Variants in DNAJC10 observed in about 807,000 individuals in gnomAD.
DNAJC10 encodes the protein endoplasmic reticulum disulfide reductase DNAJC10.
DNAJC10 carries 101 observed loss-of-function variants against 115.0 expected under a neutral mutation model. The ratio of observed to expected loss-of-function variants is 0.88; its 90% CI spans 0.75 to 1.04. DNAJC10 has a LOEUF of 1.04. Among genes scored for constraint, DNAJC10 ranks in the 50% least tolerant of loss-of-function variants. DNAJC10 has a pLI of 0.00. For missense variants in DNAJC10, 981 were observed against 928.8 expected, an observed-to-expected ratio of 1.06 and a Z score of -0.73; for synonymous variants, 307 against 301.5, an observed-to-expected ratio of 1.02 and a Z score of -0.19.
chr2:182,731,392 A>G (rs1395012009), intron 9 of DNAJC10, among the ~76,000 whole-genome samples: 1 of 152,098 alleles, frequency 6.6e-6, no homozygotes, highest in Non-Finnish European at 1.5e-5. Context: ...ATGTTATTTG[A>G]CAATTTGCAA....
chr2:182,757,061 C>T (rs1030972332), intron 18 of DNAJC10, among the ~76,000 whole-genome samples: 1 of 151,986 alleles, frequency 6.6e-6, no homozygotes, highest in African/African-American at 2.4e-5. Context: ...CATTTCCTGA[C>T]ATACTGTAGG....
rs1388948572 is a variant in DNAJC10 at position 182,794,387 on chromosome 2, TCTA to T, written c.*17258_*17260del. ...TAAGAAATGTCATTCTAGATTTGAT[TCTA>T]CTGTTTGTCTTTGCAGTGAGCTATG... On this transcript the variant is annotated 3_prime_UTR_variant, in exon 24 of 24. Coordinates refer to ENST00000264065, the MANE Select transcript of DNAJC10 (RefSeq NM_018981.4). 1 of 152,214 alleles carries T rather than the reference TCTA, an allele frequency of 6.6e-6. No homozygotes were observed. Among genetic ancestry groups the T allele is most frequent in the Non-Finnish European group, 1.5e-5 (1 of 68,042 alleles). The allele number at this position is 152,214 out of a possible 1,614,324, so 9.4% of individuals were successfully genotyped here. A position where few individuals can be genotyped will look rare whatever the true frequency, so the allele number is the denominator to read the frequency against.
intron 19 of DNAJC10, 30 bp from the exon 20 acceptor site, chr2:182,758,807 A>G (rs369550563): frequency 7.3e-6 from 11 of 1,516,240 alleles, no homozygotes; most frequent in Admixed American, 1.7e-5. Context: ...AGAGAATCCT[A>G]TTTACAACTA....
rs1389600286 is a variant in DNAJC10 at position 182,777,874 on chromosome 2, A to T, written c.*742A>T. On this transcript the variant is annotated 3_prime_UTR_variant, in exon 24 of 24. Coordinates refer to ENST00000264065, the MANE Select transcript of DNAJC10 (RefSeq NM_018981.4). Reference sequence around the variant, plus strand: ...CAGTAAGTACACAAATTTGAGCAACAGTAAGTGCACAAATTCTGTAGTTTG... The same window carrying T: ...CAGTAAGTACACAAATTTGAGCAACTGTAAGTGCACAAATTCTGTAGTTTG... 6.6e-6 allele frequency: 1 copy of T among 152,196 alleles called. No homozygotes were observed. The highest frequency in any genetic ancestry group is 1.5e-5 in the Non-Finnish European group (1 of 68,026). 9.4% of individuals were successfully genotyped at this position (152,196 alleles called of 1,614,324 possible). A position where few individuals can be genotyped will look rare whatever the true frequency, so the allele number is the denominator to read the frequency against.
Position 182,775,334 on chromosome 2 carries a change from C to G in DNAJC10, c.2284C>G (p.Gln762Glu). The change falls in exon 23 of 24, where the codon CAG becomes GAG. Residue 762 changes from glutamine to glutamate, a missense_variant. By Grantham distance (29) the Gln-to-Glu change is conservative. Transcript: ENST00000264065. Reference protein sequence around the residue: ...ERAKRNFQEEQINTRDAKAIA... With the variant: ...ERAKRNFQEEEINTRDAKAIA... ...ATTTTAGAGAAATTTTCAAGAAGAG[C>G]AGATAAATACCAGAGATGCAAAAGC... 6.2e-7 allele frequency: 1 copy of G among 1,607,440 alleles called. No homozygotes were observed.
intron 5 of DNAJC10, among the ~76,000 whole-genome samples, chr2:182,728,077 AG>A (rs1693336695): frequency 6.6e-6 from 1 of 152,206 alleles, no homozygotes; most frequent in Non-Finnish European, 1.5e-5. Flanking sequence ...TGTATTATGT[AG>A]GTCTCTTATT....
intron 12 of DNAJC10, among the ~76,000 whole-genome samples, chr2:182,740,788 T>A (rs973029806): frequency 1.3e-5 from 2 of 152,152 alleles, no homozygotes; most frequent in Non-Finnish European, 2.9e-5. Context: ...CAGTTTTTTT[T>A]CCTATTAGGT....
intron 22 of DNAJC10, among the ~76,000 whole-genome samples, chr2:182,763,635 G>C (rs1694341310): frequency 6.6e-6 from 1 of 152,120 alleles, no homozygotes; most frequent in Non-Finnish European, 1.5e-5. Context: ...TCGGGATCAA[G>C]GAATTTCATT....
chr2:182,759,096 A>G, intron 20 of DNAJC10, 64 bp from the exon 21 acceptor site: 4 of 1,365,886 alleles, frequency 2.9e-6, no homozygotes, highest in Non-Finnish European at 4.0e-6. Flanking sequence ...TTACAATATT[A>G]TTGCATTTCA....
chr2:182,769,143 A>G (rs1199221918), intron 22 of DNAJC10, among the ~76,000 whole-genome samples: 5 of 152,148 alleles, frequency 3.3e-5, no homozygotes, highest in Admixed American at 3.3e-4. Flanking sequence ...TGTCCCTGCA[A>G]AGGACATGAA....
intron 14 of DNAJC10, among the ~76,000 whole-genome samples, chr2:182,745,973 T>G (rs1236837897): frequency 6.6e-6 from 1 of 151,864 alleles, no homozygotes; most frequent in Non-Finnish European, 1.5e-5. Context: ...CACCTATGAG[T>G]GAGAACATGC....
intron 16 of DNAJC10, 99 bp downstream of exon 16, chr2:182,752,287 ATCT>A (rs1330346618): frequency 3.6e-6 from 2 of 553,576 alleles, no homozygotes; most frequent in Non-Finnish European, 5.9e-6. Flanking sequence ...GAAATAATAC[ATCT>A]TCTATTTAGA....
intron 8 of DNAJC10, among the ~76,000 whole-genome samples, chr2:182,730,220 A>G (rs77315655): frequency 0.025 from 3,832 of 152,270 alleles, 162 homozygotes; most frequent in African/African-American, 0.088. Flanking sequence ...ATGTTTTGTA[A>G]TACAAGTGTT....
intron 5 of DNAJC10, among the ~76,000 whole-genome samples, chr2:182,724,599 A>G (rs944799592): frequency 2.6e-5 from 4 of 152,214 alleles, no homozygotes; most frequent in Non-Finnish European, 5.9e-5. Context: ...TTTCAAGTAT[A>G]AGATAGACCT....
intron 4 of DNAJC10, 139 bp downstream of exon 4, chr2:182,720,308 T>A: frequency 1.5e-6 from 1 of 686,650 alleles, no homozygotes; most frequent in Non-Finnish European, 2.5e-6. Flanking sequence ...GAGTGAAATT[T>A]AAAAGGAATG....
rs1302697756 is a variant in DNAJC10, at chr2:182,784,248, C to G, written c.*7116C>G. 6.6e-6 allele frequency: 1 copy of G among 152,054 alleles called. No individual in the cohort carries two copies. The highest frequency in any genetic ancestry group is 2.4e-5 in the African/African-American group (1 of 41,384). The allele number at this position is 152,054 out of a possible 1,614,324, so 9.4% of individuals were successfully genotyped here. The stretch of plus-strand genomic sequence containing the variant: ...GCTGAGACAGGAGAATTGCATGAAC[C>G]CGGAGGCAAAGGTTGCAGTGAGCAG... On this transcript the variant is annotated 3_prime_UTR_variant, in exon 24 of 24. Coordinates refer to ENST00000264065, the MANE Select transcript of DNAJC10 (RefSeq NM_018981.4).
chr2:182,757,894 C>T (rs1288615658), intron 19 of DNAJC10, 69 bp downstream of exon 19: 7 of 916,030 alleles, frequency 7.6e-6, no homozygotes, highest in Non-Finnish European at 1.1e-5. Context: ...AGTTAAGTTA[C>T]CTGAACAAAA....
chr2:182,735,898 G>T (rs1017264296), intron 10 of DNAJC10, among the ~76,000 whole-genome samples: 5 of 152,070 alleles, frequency 3.3e-5, no homozygotes, highest in African/African-American at 9.7e-5. Flanking sequence ...TTAAACAGTA[G>T]TTTGGTTTAT....
At chr2:182,770,365 G>C (rs1694529011) in intron 22 of DNAJC10, among the ~76,000 whole-genome samples, 2 of 152,148 alleles carry the variant, frequency 1.3e-5, no homozygotes, top group African/African-American at 4.8e-5. Flanking sequence ...GTCATTGGTA[G>C]CTTGATGGGG....
Sources: gnomAD v4.1 joint callset for allele counts (sites outside exome capture counted in the v4.1 genomes callset) on GRCh38, gnomAD v4.1.1 for gene constraint, MANE v1.5 for transcripts, NCBI Gene and HGNC (gene_info 2026-07-23, HGNC 2026-07-21) for gene names.